RERE: variants seen among roughly 807,000 people sequenced by gnomAD.
The protein encoded by RERE is arginine-glutamic acid dipeptide repeats protein.
A neutral mutation model predicts 146.1 loss-of-function variants in RERE; 40 were observed. The observed-to-expected ratio is 0.27, with a 90% CI of 0.21 to 0.36. RERE has a LOEUF of 0.36. RERE is among the 10% of genes least tolerant of loss of function. RERE has a pLI of 1.00. For synonymous variants in RERE, 1,003 were observed against 866.0 expected (o/e 1.16, Z -2.78); for missense variants, 1,933 against 2,138.7 (o/e 0.90, Z 1.90).
intron 7 of RERE, among the ~76,000 whole-genome samples, chr1:8,509,922 A>G (rs1570366687): frequency 6.6e-6 from 1 of 152,344 alleles, no homozygotes; most frequent in Non-Finnish European, 1.5e-5. Context: ...ACATTTTGGA[A>G]AGCTATCGTT....
chr1:8,761,910 G>A (rs984210264), intron 1 of RERE, among the ~76,000 whole-genome samples: 1 of 152,002 alleles, frequency 6.6e-6, no homozygotes, highest in Non-Finnish European at 1.5e-5. Context: ...CAACAAGAGT[G>A]AAACTCTGTC....
intron 2 of RERE, among the ~76,000 whole-genome samples, chr1:8,649,558 T>A (rs1449746281): frequency 6.6e-6 from 1 of 151,852 alleles, no homozygotes; most frequent in Admixed American, 6.6e-5. Context: ...GGTGAAACCC[T>A]GACTCTACTA....
At chr1:8,389,783 A>G (rs903875887) in intron 12 of RERE, among the ~76,000 whole-genome samples, 1 of 152,230 alleles carries the variant, frequency 6.6e-6, no homozygotes. Context: ...TCCGTCAGCT[A>G]AGTGCACGTT....
intron 10 of RERE, among the ~76,000 whole-genome samples, chr1:8,469,308 A>G (rs1179976493): frequency 6.6e-6 from 1 of 152,188 alleles, no homozygotes; most frequent in Non-Finnish European, 1.5e-5. Context: ...GGTCTCACAT[A>G]CAGGAAAAAA....
chr1:8,393,678 G>A (rs1642960528), intron 12 of RERE, among the ~76,000 whole-genome samples: 1 of 152,100 alleles, frequency 6.6e-6, no homozygotes, highest in Non-Finnish European at 1.5e-5. Context: ...GAAAAGCATA[G>A]GTAAGATAAA....
chr1:8,372,543 T>TGTGTGTGTGTGTG (rs6143112), intron 12 of RERE, among the ~76,000 whole-genome samples: 68 of 150,684 alleles, frequency 4.5e-4, no homozygotes, highest in South Asian at 1.5e-3. Context: ...TGTGTGTGTG[T>TGTGTGTGTGTGTG]TTTAAATTAA....
At chr1:8,540,499 A>G (rs993425040) in intron 7 of RERE, among the ~76,000 whole-genome samples, 5 of 152,192 alleles carry the variant, frequency 3.3e-5, no homozygotes, top group Admixed American at 6.5e-5. Flanking sequence ...AGTGGCTAAC[A>G]TCCTGTTTTT....
chr1:8,748,801 C>T (rs944565780), intron 1 of RERE, among the ~76,000 whole-genome samples: 1 of 152,190 alleles, frequency 6.6e-6, no homozygotes, highest in African/African-American at 2.4e-5. Context: ...TCCCACCTTC[C>T]TAAATTACTC....
intron 4 of RERE, among the ~76,000 whole-genome samples, chr1:8,561,054 T>C (rs890141091): frequency 6.6e-6 from 1 of 152,260 alleles, no homozygotes; most frequent in African/African-American, 2.4e-5. Flanking sequence ...CCAGGGATAC[T>C]GGTGATCTTC....
intron 12 of RERE, among the ~76,000 whole-genome samples, chr1:8,420,948 G>T (rs1310122495): frequency 6.6e-6 from 1 of 152,134 alleles, no homozygotes; most frequent in Non-Finnish European, 1.5e-5. Context: ...AGAGCAAAAA[G>T]AAAAACATAG....
chr1:8,444,867 C>T lies in RERE; in HGVS notation c.1203+21058G>A, dbSNP rs1644297293. On this transcript the variant is annotated intron_variant, in intron 11 of 22. Coordinates refer to ENST00000400908, the MANE Select transcript of RERE (RefSeq NM_001042681.2). Reference sequence around the variant, plus strand: ...CCAGGAAGTGCGTAGATGTTGGTGTCATGCTTGTACAGCCTATAGAACTGT... The same window carrying T: ...CCAGGAAGTGCGTAGATGTTGGTGTTATGCTTGTACAGCCTATAGAACTGT... Among the ~76,000 whole-genome samples, 2 of 150,916 alleles carry T rather than the reference C, an allele frequency of 1.3e-5. 1 individual carries two copies. The highest frequency in any genetic ancestry group is 4.2e-4 in the South Asian group (2 of 4,784).
chr1:8,462,268 A>G (rs1644536789), intron 11 of RERE, among the ~76,000 whole-genome samples: 1 of 152,242 alleles, frequency 6.6e-6, no homozygotes, highest in South Asian at 2.1e-4. Flanking sequence ...GAGAGAAACT[A>G]TCTTCATCAT....
chr1:8,421,472 GTT>G (rs1231151307), intron 12 of RERE, among the ~76,000 whole-genome samples: 1 of 151,908 alleles, frequency 6.6e-6, no homozygotes, highest in Non-Finnish European at 1.5e-5. Context: ...CTCTCTCTCT[GTT>G]TTTTACCATT....
intron 2 of RERE, among the ~76,000 whole-genome samples, chr1:8,636,664 A>G (rs1647105425): frequency 6.6e-6 from 1 of 152,206 alleles, no homozygotes; most frequent in Non-Finnish European, 1.5e-5. Context: ...TCTAACAGCT[A>G]ACTCGGTCAT....
chr1:8,607,093 G>A (rs1646722452), intron 4 of RERE, among the ~76,000 whole-genome samples: 1 of 152,112 alleles, frequency 6.6e-6, no homozygotes, highest in South Asian at 2.1e-4. Flanking sequence ...AGACGCAGTG[G>A]CTCACAATTG....
chr1:8,536,176 T>C (rs537070756), intron 7 of RERE, among the ~76,000 whole-genome samples: 2 of 152,240 alleles, frequency 1.3e-5, no homozygotes, highest in South Asian at 4.1e-4. Context: ...CTTCTGCAAT[T>C]CCCAAGAAGA....
chr1:8,588,345 C>T (rs1034751167), intron 4 of RERE, among the ~76,000 whole-genome samples: 2 of 152,216 alleles, frequency 1.3e-5, no homozygotes, highest in African/African-American at 2.4e-5. Flanking sequence ...AGAAACACGT[C>T]TGACTTTTTA....
chr1:8,778,607 C>G (rs1480803229), intron 1 of RERE, among the ~76,000 whole-genome samples: 1 of 152,116 alleles, frequency 6.6e-6, no homozygotes, highest in African/African-American at 2.4e-5. Flanking sequence ...GAAGCCGAGG[C>G]AGAAGGATCA....
chr1:8,603,384 C>G (rs776936447), intron 4 of RERE, among the ~76,000 whole-genome samples: 1 of 152,110 alleles, frequency 6.6e-6, no homozygotes, highest in Non-Finnish European at 1.5e-5. Flanking sequence ...ACAGGAAAAC[C>G]GAGTCATTAC....
Sources: allele counts gnomAD v4.1 joint callset (sites outside exome capture counted in the v4.1 genomes callset), GRCh38; gene constraint gnomAD v4.1.1; transcripts MANE v1.5; gene names NCBI Gene and HGNC (gene_info 2026-07-23, HGNC 2026-07-21).